PTPRN2: variants seen among roughly 807,000 people sequenced by gnomAD.
The protein encoded by PTPRN2 is protein tyrosine phosphatase receptor type N2.
Under a neutral mutation model 118.8 loss-of-function variants are expected in PTPRN2, and 74 were observed. The ratio of observed to expected loss-of-function variants is 0.62; its 90% CI spans 0.52 to 0.76. The LOEUF is 0.76. PTPRN2 is among the 30% of genes least tolerant of loss of function. The pLI is 0.00. For synonymous variants in PTPRN2, 641 were observed against 608.0 expected (o/e 1.05, Z -0.80); for missense variants, 1,481 against 1,394.4 (o/e 1.06, Z -0.99).
intron 2 of PTPRN2, among the ~76,000 whole-genome samples, chr7:158,446,083 C>A (rs1483873860): frequency 1.3e-5 from 2 of 152,158 alleles, no homozygotes; most frequent in African/African-American, 4.8e-5. Flanking sequence ...ACCCTGGTGC[C>A]CCAGCACCCC....
rs532579667 is a variant in PTPRN2 at position 158,319,150 on chromosome 7, T to C, written c.164-2218A>G. ...TTTAGAATATATACAATATAATGCA[T>C]AATATAGTTTGTGCTTTTAAAATCA... On this transcript the variant is annotated intron_variant, in intron 2 of 22. Transcript: ENST00000389418. Among the ~76,000 whole-genome samples the C allele has an allele frequency of 5.3e-5, 8 of 152,368 alleles. No homozygotes were observed. In the South Asian group the frequency reaches 1.7e-3, roughly 32 times the overall value.
At chr7:157,675,063 G>A (rs541978662) in intron 13 of PTPRN2, among the ~76,000 whole-genome samples, 10 of 148,374 alleles carry the variant, frequency 6.7e-5, no homozygotes, top group East Asian at 1.9e-4. Context: ...CCTGGTACCC[G>A]CCTGCTGGAA....
intron 21 of PTPRN2, among the ~76,000 whole-genome samples, chr7:157,564,531 T>C (rs759311317): frequency 2.0e-5 from 3 of 152,240 alleles, no homozygotes; most frequent in African/African-American, 4.8e-5. Context: ...GCAAATTACA[T>C]AGCTGATAAG....
intron 15 of PTPRN2, among the ~76,000 whole-genome samples, chr7:157,612,550 C>A (rs775533750): frequency 6.6e-6 from 1 of 152,206 alleles, no homozygotes; most frequent in African/African-American, 2.4e-5. Context: ...CTGAGATTAA[C>A]GCCCGTTTTG....
chr7:158,417,823 G>A (rs772940384), intron 2 of PTPRN2, among the ~76,000 whole-genome samples: 1 of 133,082 alleles, frequency 7.5e-6, no homozygotes, highest in East Asian at 2.2e-4. Flanking sequence ...TCAGTGTCCC[G>A]CTGTGTTAAG....
chr7:158,547,529 G>A (rs182593135), intron 1 of PTPRN2, among the ~76,000 whole-genome samples: 99 of 152,276 alleles, frequency 6.5e-4, no homozygotes, highest in African/African-American at 2.1e-3. Context: ...TTCTCAAGGC[G>A]CACCCATGCT....
At chr7:158,519,295 T>C (rs1823809405) in intron 1 of PTPRN2, among the ~76,000 whole-genome samples, 1 of 152,222 alleles carries the variant, frequency 6.6e-6, no homozygotes, top group African/African-American at 2.4e-5. Context: ...CCTCATTTTA[T>C]GAAGTCGGAC....
At chr7:158,518,606 G>A (rs1823744061) in intron 1 of PTPRN2, among the ~76,000 whole-genome samples, 1 of 152,158 alleles carries the variant, frequency 6.6e-6, no homozygotes, top group African/African-American at 2.4e-5. Flanking sequence ...ATAGAGGAAG[G>A]ACCCACTTGA....
intron 1 of PTPRN2, among the ~76,000 whole-genome samples, chr7:158,567,535 G>A (rs531971994): frequency 7.9e-5 from 12 of 152,198 alleles, no homozygotes; most frequent in East Asian, 1.9e-4. Context: ...TTCCTGCCAC[G>A]TGCTACGCCC....
At chr7:158,188,162 G>A (rs1165673252) in intron 5 of PTPRN2, among the ~76,000 whole-genome samples, 2 of 150,956 alleles carry the variant, frequency 1.3e-5, no homozygotes, top group Non-Finnish European at 3.0e-5. Context: ...CCCCTGTACT[G>A]GGAAGGCCGC....
At chr7:157,914,849 T>G (rs1226385342) in intron 11 of PTPRN2, among the ~76,000 whole-genome samples, 1 of 152,200 alleles carries the variant, frequency 6.6e-6, no homozygotes. Flanking sequence ...TATTTTCAAT[T>G]TATTTGTCTC....
At chr7:158,122,085 C>T (rs749478687) in intron 9 of PTPRN2, among the ~76,000 whole-genome samples, 34 of 152,170 alleles carry the variant, frequency 2.2e-4, no homozygotes, top group Non-Finnish European at 4.7e-4. Context: ...CTGCATGTGG[C>T]GGCTTCCACC....
chr7:157,546,306 T>C (rs900078527), intron 22 of PTPRN2, among the ~76,000 whole-genome samples: 1 of 152,224 alleles, frequency 6.6e-6, no homozygotes, highest in African/African-American at 2.4e-5. Context: ...CTGGGATACA[T>C]GTGCAGGACG....
chr7:158,234,887 C>T (rs535603454), intron 3 of PTPRN2, among the ~76,000 whole-genome samples: 3 of 152,274 alleles, frequency 2.0e-5, no homozygotes, highest in African/African-American at 4.8e-5. Context: ...CTCAGCCTCC[C>T]GAGTAGCTGG....
At chr7:158,194,613 G>A (rs148477700) in intron 4 of PTPRN2, among the ~76,000 whole-genome samples, 2 of 152,220 alleles carry the variant, frequency 1.3e-5, no homozygotes, top group African/African-American at 4.8e-5. Flanking sequence ...GGCTTTACAG[G>A]TGCGGTCAGC....
chr7:157,723,704 G>C (rs560280406), intron 12 of PTPRN2, among the ~76,000 whole-genome samples: 47 of 152,312 alleles, frequency 3.1e-4, no homozygotes, highest in African/African-American at 1.0e-3. Flanking sequence ...CCTACTCAGG[G>C]ATGTGCAGTC....
intron 1 of PTPRN2, among the ~76,000 whole-genome samples, chr7:158,579,991 T>C (rs756760436): frequency 3.9e-5 from 6 of 152,254 alleles, no homozygotes; most frequent in Non-Finnish European, 8.8e-5. Flanking sequence ...AACCTTGGCC[T>C]GTTTTCAGGA....
At chr7:157,988,193 T>C (rs1486300946) in intron 11 of PTPRN2, among the ~76,000 whole-genome samples, 2 of 152,228 alleles carry the variant, frequency 1.3e-5, no homozygotes, top group East Asian at 3.8e-4. Context: ...AACACCATGC[T>C]GTCTCTCCCC....
intron 12 of PTPRN2, among the ~76,000 whole-genome samples, chr7:157,746,024 C>T (rs1198912917): frequency 2.0e-5 from 3 of 150,620 alleles, no homozygotes; most frequent in East Asian, 2.0e-4. Flanking sequence ...CTCCCTGCAC[C>T]CCACAGTCCT....
Sources: gnomAD v4.1 joint callset for allele counts (sites outside exome capture counted in the v4.1 genomes callset) on GRCh38, gnomAD v4.1.1 for gene constraint, MANE v1.5 for transcripts, NCBI Gene and HGNC (gene_info 2026-07-23, HGNC 2026-07-21) for gene names.